ABCA3: variants seen among roughly 807,000 people sequenced by gnomAD.
The protein encoded by ABCA3 is ATP binding cassette subfamily A member 3.
ABCA3 carries 88 observed loss-of-function variants against 172.8 expected under a neutral mutation model. The ratio of observed to expected loss-of-function variants is 0.51; its 90% CI spans 0.43 to 0.61. ABCA3 has a LOEUF of 0.61. Among genes scored for constraint, ABCA3 ranks in the 20% least tolerant of loss-of-function variants. ABCA3 has a pLI of 0.00. For missense variants in ABCA3, 2,164 were observed against 2,301.0 expected, an observed-to-expected ratio of 0.94 and a Z score of 1.22; for synonymous variants, 1,066 against 983.8, an observed-to-expected ratio of 1.08 and a Z score of -1.56.
chr16:2,333,905 G>T (rs1382206323), intron 1 of ABCA3, among the ~76,000 whole-genome samples: 1 of 151,936 alleles, frequency 6.6e-6, no homozygotes. Context: ...GGCCAGGCTG[G>T]TCTCAAACTC....
At chr16:2,335,000 T>C (rs913927949) in intron 1 of ABCA3, among the ~76,000 whole-genome samples, 4 of 151,808 alleles carry the variant, frequency 2.6e-5, no homozygotes, top group African/African-American at 9.7e-5. Context: ...AGCTAATTTT[T>C]GTATTTTCAG....
chr16:2,317,563 A>G (rs2093718158), intron 9 of ABCA3, 85 bp downstream of exon 9: 2 of 1,586,958 alleles, frequency 1.3e-6, no homozygotes, highest in East Asian at 4.5e-5. Flanking sequence ...GAAGTCTCTG[A>G]CCACAAAGTT....
chr16:2,315,963 G>A (rs893454143), intron 10 of ABCA3, among the ~76,000 whole-genome samples: 5 of 148,306 alleles, frequency 3.4e-5, no homozygotes, highest in Non-Finnish European at 4.4e-5. Flanking sequence ...GATTACAGGT[G>A]TGAGCTACCA....
chr16:2,278,054 C>T lies in ABCA3; in HGVS notation c.4734G>A (p.Glu1578=). The change falls in exon 31 of 33, where the codon GAG becomes GAA. Residue 1578 remains glutamate, a synonymous_variant. Transcript: ENST00000301732. The surrounding 1 kb of genome is among the most constrained non-coding windows in gnomAD (Gnocchi z 4.4). The stretch of plus-strand genomic sequence containing the variant: ...TGATGGCCAGCCGGGTGCACAGGGC[C>T]TCACACTCCTCCATGCTGTGGAGAG... ...IITSHSMEEC[E]ALCTRLAIMV... is the part of the protein sequence containing the mutation. 2 of 1,613,458 alleles carry T rather than the reference C, an allele frequency of 1.2e-6. No individual in the cohort carries two copies. The highest frequency in any genetic ancestry group is 1.7e-6 in the Non-Finnish European group (2 of 1,180,018).
In ABCA3 at chr16:2,278,144, CG is replaced by C; in HGVS notation, c.4719-76del. 1 of 1,602,606 alleles carries C rather than the reference CG, an allele frequency of 6.2e-7. No individual in the cohort carries two copies. Among genetic ancestry groups the C allele is most frequent in the Non-Finnish European group, 8.5e-7 (1 of 1,175,324 alleles). Reference sequence around the variant, plus strand: ...TGCAGACAGGAAGGCATTGGCTCTCCGATCAGGCTGTTCCTGATACCCATGC... The same window carrying C: ...TGCAGACAGGAAGGCATTGGCTCTCCATCAGGCTGTTCCTGATACCCATGC... On this transcript the variant is annotated intron_variant, in intron 30 of 32. Coordinates refer to ENST00000301732, the MANE Select transcript of ABCA3 (RefSeq NM_001089.3). This position sits in a 1 kb window ranked among gnomAD's most constrained non-coding sequence, Gnocchi z 4.4.
Position 2,295,711 on chromosome 16 carries a change from C to T in ABCA3, c.2293G>A (p.Glu765Lys), listed in dbSNP as rs984361642. The T allele has an allele frequency of 6.2e-7, 1 of 1,613,860 alleles. No homozygotes were observed. The highest frequency in any genetic ancestry group is 8.5e-7 in the Non-Finnish European group (1 of 1,180,048). ...ATGTCTTCCGGGTTGCAGTGCGGCT[C>T]CTTCACCAGCGTCATGTGATAGCCG... ...GAGYHMTLVK[E>K]PHCNPEDISQ... The change falls in exon 18 of 33, where the codon GAG (glutamate) becomes AAG (lysine). Residue 765 changes from glutamate (E) to lysine (K), a missense_variant. Physicochemically the swap from Glu to Lys is moderately conservative, Grantham distance 56. Around this residue, in one of 3 missense-constraint regions of ABCA3, gnomAD observed 1,343 missense variants for 1,369.6 expected, o/e 0.98. Transcript: ENST00000301732.
At chr16:2,329,584 A>T (rs1478581309) in intron 2 of ABCA3, 64 bp downstream of exon 2, 1 of 152,362 alleles carries the variant, frequency 6.6e-6, no homozygotes, top group Non-Finnish European at 1.5e-5. Flanking sequence ...GCTGGGAGAG[A>T]AGGTCAGAAA....
intron 11 of ABCA3, among the ~76,000 whole-genome samples, chr16:2,307,340 G>A (rs1264169731): frequency 6.6e-6 from 1 of 151,886 alleles, no homozygotes; most frequent in Non-Finnish European, 1.5e-5. Context: ...ATCACTTTAG[G>A]TCAGGAGTTC....
chr16:2,304,035 G>A lies in ABCA3; in HGVS notation c.1401C>T (p.Thr467=). 6.2e-7 allele frequency: 1 copy of A among 1,614,178 alleles called. No homozygotes were observed. The highest frequency in any genetic ancestry group is 8.5e-7 in the Non-Finnish European group (1 of 1,180,026). The change falls in exon 12 of 33, where the codon ACC becomes ACT. Residue 467 remains threonine, a synonymous_variant. Coordinates refer to ENST00000301732, the MANE Select transcript of ABCA3 (RefSeq NM_001089.3). ...CTGGGAAGACGGCCTCCATGTACCA[G>A]GTCACCAGGCCATAGAGCACAGAGT... ...LLDSVLYGLV[T]WYMEAVFPGQ...
intron 10 of ABCA3, among the ~76,000 whole-genome samples, chr16:2,315,996 T>C (rs891333580): frequency 1.3e-5 from 2 of 150,896 alleles, no homozygotes; most frequent in African/African-American, 4.9e-5. Context: ...TAGGTTTTCT[T>C]TAATAATAAA....
intron 12 of ABCA3, among the ~76,000 whole-genome samples, chr16:2,300,858 C>T (rs1297272554): frequency 6.6e-6 from 1 of 152,224 alleles, no homozygotes; most frequent in Non-Finnish European, 1.5e-5. Flanking sequence ...CTTCCAGCAC[C>T]TGGAACGGCA....
chr16:2,334,277 T>G (rs1423448544), intron 1 of ABCA3, among the ~76,000 whole-genome samples: 1 of 152,018 alleles, frequency 6.6e-6, no homozygotes, highest in East Asian at 1.9e-4. Flanking sequence ...CGAGTGGCAG[T>G]GCAGAGAATG....
chr16:2,332,712 T>C, intron 1 of ABCA3: 1 of 1,425,946 alleles, frequency 7.0e-7, no homozygotes, highest in Non-Finnish European at 9.8e-7. Context: ...TCTTCTTGTG[T>C]CCAAAGACCC....
At chr16:2,313,086 ATTGT>A (rs1184309979) in intron 10 of ABCA3, among the ~76,000 whole-genome samples, 4 of 152,112 alleles carry the variant, frequency 2.6e-5, no homozygotes, top group East Asian at 3.9e-4. Context: ...ATAAGCTGGC[ATTGT>A]TTGTTTGTTT....
At chr16:2,325,949 G>T in intron 5 of ABCA3, 61 bp downstream of exon 5, 2 of 1,605,898 alleles carry the variant, frequency 1.2e-6, no homozygotes, top group Non-Finnish European at 1.7e-6. Flanking sequence ...CTCGACCCCT[G>T]CCTGCCCAGC....
At chr16:2,288,450 C>T in intron 20 of ABCA3, 121 bp from the exon 21 acceptor site, 1 of 1,196,382 alleles carries the variant, frequency 8.4e-7, no homozygotes, top group Non-Finnish European at 1.2e-6. Context: ...GCTGAGGTTG[C>T]ACCGGAGACT....
chr16:2,323,844 T>C (rs532247313), intron 6 of ABCA3, among the ~76,000 whole-genome samples, 156 bp from the exon 7 acceptor site: 1 of 152,256 alleles, frequency 6.6e-6, no homozygotes, highest in South Asian at 2.1e-4. Flanking sequence ...AATGTCACAC[T>C]GAGTGGTCCC....
At position 2,287,922 on chromosome 16, in the gene ABCA3, G is replaced by A; in HGVS notation, c.3004+104C>T. ...CCCTCAGTACATTCGGAACAGCCAA[G>A]AACCATCCTCCCCAGATGTCGACCC... On this transcript the variant is annotated intron_variant, in intron 21 of 32. Transcript: ENST00000301732. The surrounding 1 kb of genome is among the most constrained non-coding windows in gnomAD (Gnocchi z 4.1). 6.9e-7 allele frequency: 1 copy of A among 1,439,516 alleles called. No homozygotes were observed. The highest frequency in any genetic ancestry group is 9.5e-7 in the Non-Finnish European group (1 of 1,053,722). 89.2% of individuals were successfully genotyped at this position (1,439,516 alleles called of 1,614,324 possible).
chr16:2,326,517 G>C (rs748521643), intron 3 of ABCA3, 25 bp from the exon 4 acceptor site: 1 of 1,580,188 alleles, frequency 6.3e-7, no homozygotes, highest in South Asian at 1.1e-5. Context: ...AAGACAGAGA[G>C]TGTGGGTGCG....
Sources: gnomAD v4.1 joint callset for allele counts (sites outside exome capture counted in the v4.1 genomes callset) on GRCh38, gnomAD v4.1.1 for gene constraint, gnomAD v4.1.1 regional missense constraint, Gnocchi (gnomAD v3.1) non-coding constraint, MANE v1.5 for transcripts, NCBI Gene and HGNC (gene_info 2026-07-23, HGNC 2026-07-21) for gene names.